Variants in CAB39L observed in about 807,000 individuals in gnomAD.
The protein encoded by CAB39L is calcium binding protein 39 like.
Under a neutral mutation model 39.1 loss-of-function variants are expected in CAB39L, and 23 were observed. That is an observed-to-expected ratio of 0.59 (90% CI 0.42 to 0.83). The LOEUF is 0.83. Among genes scored for constraint, CAB39L ranks in the 40% least tolerant of loss-of-function variants. The pLI is 0.00. For missense variants in CAB39L, 366 were observed against 391.9 expected, an observed-to-expected ratio of 0.93 and a Z score of 0.56; for synonymous variants, 126 against 137.2, an observed-to-expected ratio of 0.92 and a Z score of 0.57.
intron 3 of CAB39L, among the ~76,000 whole-genome samples, chr13:49,387,864 T>C (rs1313216850): frequency 1.3e-5 from 2 of 152,152 alleles, no homozygotes; most frequent in Non-Finnish European, 1.5e-5. Context: ...CCAAACTGCA[T>C]AGAGCAGAAT....
At chr13:49,365,869 A>G (rs1955756737) in intron 5 of CAB39L, among the ~76,000 whole-genome samples, 1 of 152,356 alleles carries the variant, frequency 6.6e-6, no homozygotes, top group African/African-American at 2.4e-5. Context: ...AGTATTGTTC[A>G]CAATAGCCAA....
At chr13:49,424,251 A>G (rs577377884) in intron 3 of CAB39L, among the ~76,000 whole-genome samples, 47 of 152,368 alleles carry the variant, frequency 3.1e-4, no homozygotes, top group Middle Eastern at 3.4e-3. Context: ...ATCAACAGTG[A>G]TAAGTCACAT....
chr13:49,327,281 T>C (rs949067057), intron 10 of CAB39L, among the ~76,000 whole-genome samples: 9 of 152,158 alleles, frequency 5.9e-5, no homozygotes, highest in African/African-American at 1.2e-4. Flanking sequence ...GAATTTGGCA[T>C]TTGGCATTCC....
At chr13:49,343,186 T>G (rs1277882988) in intron 8 of CAB39L, among the ~76,000 whole-genome samples, 1 of 152,218 alleles carries the variant, frequency 6.6e-6, no homozygotes, top group Non-Finnish European at 1.5e-5. Context: ...AGTAAAAGTA[T>G]CGTTGCTTTT....
intron 8 of CAB39L, among the ~76,000 whole-genome samples, chr13:49,342,213 T>C (rs1457739248): frequency 6.6e-6 from 1 of 152,170 alleles, no homozygotes; most frequent in Admixed American, 6.5e-5. Flanking sequence ...TTAATATTTG[T>C]TTGCTACCAC....
chr13:49,351,162 A>C, intron 6 of CAB39L: 10 of 296,072 alleles, frequency 3.4e-5, no homozygotes, highest in East Asian at 5.6e-5. Flanking sequence ...GGGTGGGGGG[A>C]TGAGGCAGAA....
intron 9 of CAB39L, among the ~76,000 whole-genome samples, chr13:49,333,568 C>CTTTTTTTTT (rs796079933): frequency 1.2e-4 from 13 of 111,856 alleles, no homozygotes; most frequent in Non-Finnish European, 1.6e-4. Context: ...TTCTTTCTTT[C>CTTTTTTTTT]TTTTTTTTTT....
chr13:49,437,932 G>A (rs1291818306), intron 1 of CAB39L, among the ~76,000 whole-genome samples: 9 of 152,036 alleles, frequency 5.9e-5, no homozygotes, highest in South Asian at 2.1e-4. Flanking sequence ...GAGATCCTCC[G>A]ACCTCTCTCA....
rs183565953 is a variant in CAB39L at position 49,438,126 on chromosome 13, C to T, written c.-245-3903G>A. Among the ~76,000 whole-genome samples, 916 of 152,234 alleles carry T rather than the reference C, an allele frequency of 6.0e-3. 7 individuals are homozygous for T. The highest frequency in any genetic ancestry group is 8.1e-3 in the Non-Finnish European group (550 of 68,020). On this transcript the variant is annotated intron_variant, in intron 1 of 10. Transcript: ENST00000409308. ...TGCTGGGATTACAGGCATTAGCCACCGTGTCCAGCTGGTATTATTTTTATT... is the reference window on the plus strand; with the variant it reads ...TGCTGGGATTACAGGCATTAGCCACTGTGTCCAGCTGGTATTATTTTTATT...
At chr13:49,353,587 C>T (rs935364525) in intron 6 of CAB39L, among the ~76,000 whole-genome samples, 1 of 152,000 alleles carries the variant, frequency 6.6e-6, no homozygotes, top group Non-Finnish European at 1.5e-5. Flanking sequence ...AGGCTTAGTT[C>T]AAATGCCATC....
rs971138361 is a variant in CAB39L at position 49,372,157 on chromosome 13, CAA to C, written c.276+4808_276+4809del. 2.6e-5 allele frequency among the ~76,000 whole-genome samples: 4 copies of C among 152,228 alleles called. No homozygotes were observed. In the South Asian group the frequency reaches 8.3e-4, roughly 32 times the overall value. On this transcript the variant is annotated intron_variant, in intron 5 of 10. Coordinates refer to ENST00000409308, the MANE Select transcript of CAB39L (RefSeq NM_001079670.3). ...TGTGTCTTGAATAGTAGCCAAACCT[CAA>C]AAAACACAGCTGAGTTTGATCCTGA...
At chr13:49,333,660 C>G (rs1013009160) in intron 9 of CAB39L, among the ~76,000 whole-genome samples, 3 of 150,798 alleles carry the variant, frequency 2.0e-5, no homozygotes, top group Non-Finnish European at 3.0e-5. Context: ...CAAGCTCCAC[C>G]TCCCAGGTTC....
chr13:49,327,161 G>GA (rs1220522020), intron 10 of CAB39L, among the ~76,000 whole-genome samples: 1 of 126,516 alleles, frequency 7.9e-6, no homozygotes, highest in Non-Finnish European at 1.6e-5. Flanking sequence ...CTTGCCTTCA[G>GA]ATTTTTTTTT....
At chr13:49,348,962 CT>C (rs1202062729) in intron 7 of CAB39L, among the ~76,000 whole-genome samples, 6 of 152,160 alleles carry the variant, frequency 3.9e-5, no homozygotes, top group Admixed American at 6.5e-5. Flanking sequence ...TCCCAGCTTC[CT>C]TCTGCCCCAC....
chr13:49,421,888 C>T (rs1594088082), intron 3 of CAB39L, among the ~76,000 whole-genome samples: 1 of 152,136 alleles, frequency 6.6e-6, no homozygotes, highest in South Asian at 2.1e-4. Context: ...TAAGTAAGAC[C>T]CAGAGTCTTA....
At chr13:49,413,483 T>C (rs146934179) in intron 3 of CAB39L, among the ~76,000 whole-genome samples, 343 of 152,282 alleles carry the variant, frequency 2.3e-3, no homozygotes, top group African/African-American at 7.7e-3. Flanking sequence ...TAGGAAAATT[T>C]TTTAGCAAAA....
chr13:49,401,343 T>C (rs1351075074), intron 3 of CAB39L: 4 of 152,142 alleles, frequency 2.6e-5, no homozygotes, highest in Non-Finnish European at 5.9e-5. Context: ...TTTTGAAGAG[T>C]AACAGTTACC....
chr13:49,339,371 T>G (rs1294434112), intron 9 of CAB39L, among the ~76,000 whole-genome samples: 1 of 152,192 alleles, frequency 6.6e-6, no homozygotes, highest in African/African-American at 2.4e-5. Context: ...CCTCAGGTGA[T>G]CCGCCCACTT....
rs148799996 is a variant in CAB39L at position 49,334,301 on chromosome 13, G to A, written c.691-2211C>T. ...ATTCCACTTAGATTAGAAAGTGAAC[G>A]AATAAACAAGCAAATTCCTAGATTC... On this transcript the variant is annotated intron_variant, in intron 9 of 10. Transcript: ENST00000409308. 3.3e-5 allele frequency among the ~76,000 whole-genome samples: 5 copies of A among 152,198 alleles called. No homozygotes were observed. The East Asian group carries it at 7.7e-4, about 23-fold the overall frequency.
Sources: allele counts gnomAD v4.1 joint callset (sites outside exome capture counted in the v4.1 genomes callset), GRCh38; gene constraint gnomAD v4.1.1; transcripts MANE v1.5; gene names NCBI Gene and HGNC (gene_info 2026-07-23, HGNC 2026-07-21).